The following DPP10 variants were observed in gnomAD, a reference collection of about 807,000 sequenced individuals.
DPP10 encodes dipeptidyl peptidase like 10.
In DPP10, 33 loss-of-function variants were observed where a neutral mutation model predicts 120.9. The observed-to-expected ratio is 0.27, with a 90% CI of 0.21 to 0.37. DPP10 has a LOEUF of 0.37. Among genes scored for constraint, DPP10 ranks in the 10% least tolerant of loss-of-function variants. DPP10 has a pLI of 1.00. For missense variants in DPP10, 816 were observed against 942.8 expected, an observed-to-expected ratio of 0.87 and a Z score of 1.76; for synonymous variants, 337 against 326.1, an observed-to-expected ratio of 1.03 and a Z score of -0.36.
intron 3 of DPP10, among the ~76,000 whole-genome samples, chr2:115,370,498 G>T (rs1182436846): frequency 1.3e-5 from 2 of 151,990 alleles, no homozygotes; most frequent in African/African-American, 4.8e-5. Context: ...CAGAGTCAAG[G>T]ACTGGTACAC....
rs569941278 is a variant in DPP10, at chr2:115,843,997, T to C, written c.*1652T>C. 6.5e-6 allele frequency: 1 copy of C among 152,730 alleles called. No individual in the cohort carries two copies. Among genetic ancestry groups the C allele is most frequent in the Non-Finnish European group, 1.5e-5 (1 of 68,012 alleles). The allele number at this position is 152,730 out of a possible 1,614,324, so 9.5% of individuals were successfully genotyped here. Reference sequence around the variant, plus strand: ...TGGGTATTTGAGTACATGTGAATCATGGATTTGGTATTCAACTTTTTCCCT... The same window carrying C: ...TGGGTATTTGAGTACATGTGAATCACGGATTTGGTATTCAACTTTTTCCCT... On this transcript the variant is annotated 3_prime_UTR_variant, in exon 26 of 26. Coordinates refer to ENST00000410059, the MANE Select transcript of DPP10 (RefSeq NM_020868.6).
chr2:114,947,059 A>G (rs1353592169), intron 1 of DPP10, among the ~76,000 whole-genome samples: 1 of 152,114 alleles, frequency 6.6e-6, no homozygotes, highest in Non-Finnish European at 1.5e-5. Context: ...TAAACGTTCA[A>G]ACGTATTGCA....
At chr2:114,677,764 A>G (rs958346020) in intron 1 of DPP10, among the ~76,000 whole-genome samples, 2 of 152,142 alleles carry the variant, frequency 1.3e-5, no homozygotes, top group Admixed American at 1.3e-4. Context: ...AATTTGTAAT[A>G]TATTGTGCTA....
At chr2:115,522,650 C>A (rs761759017) in intron 4 of DPP10, among the ~76,000 whole-genome samples, 11 of 152,110 alleles carry the variant, frequency 7.2e-5, no homozygotes, top group Non-Finnish European at 1.3e-4. Context: ...ACATAGATGG[C>A]AGGATTCATG....
intron 5 of DPP10, among the ~76,000 whole-genome samples, chr2:115,539,728 G>A (rs868353290): frequency 2.7e-5 from 4 of 150,814 alleles, no homozygotes; most frequent in South Asian, 4.2e-4. Flanking sequence ...CCATGTAATC[G>A]TATCTTTTTT....
intron 8 of DPP10, among the ~76,000 whole-genome samples, chr2:115,730,470 G>A (rs2092878248): frequency 3.3e-5 from 5 of 152,164 alleles, no homozygotes; most frequent in Admixed American, 3.3e-4. Flanking sequence ...ACCACGTACT[G>A]ACGTGCTCCC....
intron 19 of DPP10, among the ~76,000 whole-genome samples, chr2:115,794,841 TA>T (rs1309042587): frequency 6.6e-6 from 1 of 152,162 alleles, no homozygotes; most frequent in Non-Finnish European, 1.5e-5. Flanking sequence ...TGTTCTTTTT[TA>T]ATATTATTCT....
At chr2:115,545,578 A>G (rs2079449805) in intron 5 of DPP10, among the ~76,000 whole-genome samples, 1 of 152,172 alleles carries the variant, frequency 6.6e-6, no homozygotes, top group Admixed American at 6.6e-5. Flanking sequence ...TGTTTGCACA[A>G]CAGTGAGAGA....
chr2:115,338,899 A>G (rs1413473365), intron 2 of DPP10, among the ~76,000 whole-genome samples: 3 of 152,180 alleles, frequency 2.0e-5, no homozygotes, highest in African/African-American at 7.2e-5. Context: ...TAGGTGAAAC[A>G]TTGTTAGACT....
At chr2:114,789,189 C>A (rs1330103776) in intron 1 of DPP10, among the ~76,000 whole-genome samples, 1 of 132,356 alleles carries the variant, frequency 7.6e-6, no homozygotes, top group Non-Finnish European at 1.7e-5. Context: ...TCTGAAAAAC[C>A]CAAAAACATT....
In DPP10 at chr2:115,760,020, T is replaced by A. The variant is rs545590122; in HGVS notation, c.1075-2552T>A. Among the ~76,000 whole-genome samples, 3 of 150,142 alleles carry A rather than the reference T, an allele frequency of 2.0e-5. No individual in the cohort carries two copies. In the South Asian group the frequency reaches 6.3e-4, roughly 32 times the overall value. Reference sequence around the variant, plus strand: ...GTGAAACTCCGTCACAAAAAAAAAATACAAAAAACAAACAAAAAAAAACCC... The same window carrying A: ...GTGAAACTCCGTCACAAAAAAAAAAAACAAAAAACAAACAAAAAAAAACCC... On this transcript the variant is annotated intron_variant, in intron 11 of 25. Coordinates refer to ENST00000410059, the MANE Select transcript of DPP10 (RefSeq NM_020868.6).
At chr2:114,785,690 C>A (rs1226667337) in intron 1 of DPP10, among the ~76,000 whole-genome samples, 2 of 152,090 alleles carry the variant, frequency 1.3e-5, no homozygotes, top group Non-Finnish European at 2.9e-5. Flanking sequence ...GGGAGTTTAA[C>A]AATGAATATA....
chr2:114,487,398 C>G (rs1181579727), intron 1 of DPP10, among the ~76,000 whole-genome samples: 3 of 152,142 alleles, frequency 2.0e-5, no homozygotes, highest in Non-Finnish European at 2.9e-5. Context: ...TGTTATAAAT[C>G]TGGTGACTTC....
chr2:114,595,566 C>T (rs1339717371), intron 1 of DPP10, among the ~76,000 whole-genome samples: 1 of 152,106 alleles, frequency 6.6e-6, no homozygotes, highest in Non-Finnish European at 1.5e-5. Flanking sequence ...TTTAATGACA[C>T]ATAGTTTTCA....
chr2:115,624,643 G>C (rs1280366926), intron 5 of DPP10, among the ~76,000 whole-genome samples: 1 of 152,202 alleles, frequency 6.6e-6, no homozygotes, highest in Non-Finnish European at 1.5e-5. Flanking sequence ...AATCAATGGA[G>C]TTAATAATAC....
chr2:114,749,370 T>C (rs1212914422), intron 1 of DPP10, among the ~76,000 whole-genome samples: 1 of 152,148 alleles, frequency 6.6e-6, no homozygotes, highest in Non-Finnish European at 1.5e-5. Flanking sequence ...ATGTCTTTTA[T>C]AAAGACTCAA....
At chr2:115,728,004 A>T (rs1385821334) in intron 8 of DPP10, 68 bp downstream of exon 8, 4 of 1,524,842 alleles carry the variant, frequency 2.6e-6, no homozygotes, top group African/African-American at 1.4e-5. Context: ...TACCAAAAAA[A>T]ATCTATTCAT....
chr2:115,104,386 T>G (rs1202645974), intron 1 of DPP10, among the ~76,000 whole-genome samples: 1 of 152,052 alleles, frequency 6.6e-6, no homozygotes. Flanking sequence ...CACATGACCA[T>G]AGAGTGAGAT....
chr2:115,827,447 T>TATATATAG (rs1388130768), intron 21 of DPP10, among the ~76,000 whole-genome samples: 14 of 126,832 alleles, frequency 1.1e-4, no homozygotes, highest in South Asian at 2.5e-4. Context: ...TATATATATA[T>TATATATAG]GCTCTACAGT....
Sources: gnomAD v4.1 joint callset for allele counts (sites outside exome capture counted in the v4.1 genomes callset) on GRCh38, gnomAD v4.1.1 for gene constraint, MANE v1.5 for transcripts, NCBI Gene and HGNC (gene_info 2026-07-23, HGNC 2026-07-21) for gene names.